Variants in NAALAD2 observed in about 807,000 individuals in gnomAD.
NAALAD2 encodes the protein N-acetylated alpha-linked acidic dipeptidase 2, also known as N-acetylated-alpha-linked acidic dipeptidase 2.
In NAALAD2, 89 loss-of-function variants were observed where a neutral mutation model predicts 95.6. The observed-to-expected ratio is 0.93, with a 90% CI of 0.78 to 1.11. The LOEUF (loss-of-function observed/expected upper bound fraction) is 1.11. Ranked by LOEUF, NAALAD2 falls within the 50% of genes least tolerant of loss-of-function variation. NAALAD2 has a pLI of 0.00. For synonymous variants in NAALAD2, 264 were observed against 294.4 expected, an observed-to-expected ratio of 0.90 and a Z score of 1.06; for missense variants, 894 against 872.4, an observed-to-expected ratio of 1.02 and a Z score of -0.31.
chr11:90,144,283 T>C (rs1291449791), intron 2 of NAALAD2, among the ~76,000 whole-genome samples: 1 of 152,142 alleles, frequency 6.6e-6, no homozygotes, highest in Non-Finnish European at 1.5e-5. Flanking sequence ...TGTTGTAAGC[T>C]TCAAAAAAGC....
At chr11:90,141,025 G>A (rs1951598450) in intron 2 of NAALAD2, among the ~76,000 whole-genome samples, 1 of 152,044 alleles carries the variant, frequency 6.6e-6, no homozygotes, top group African/African-American at 2.4e-5. Flanking sequence ...GCGTATTTGT[G>A]TGAGTCTATT....
chr11:90,158,247 T>C lies in NAALAD2; in HGVS notation c.890+9T>C. ...GCAGAAATATTATTACGGTATAGTT[T>C]TCTTGTTGGATATGAGATTAAGATA... On this transcript the variant is annotated intron_variant, in intron 7 of 18. Coordinates refer to ENST00000534061, the MANE Select transcript of NAALAD2 (RefSeq NM_005467.4). 1.3e-6 allele frequency: 2 copies of C among 1,585,102 alleles called. No individual in the cohort carries two copies. Among genetic ancestry groups the C allele is most frequent in the Non-Finnish European group, 1.7e-6 (2 of 1,155,094 alleles).
intron 2 of NAALAD2, among the ~76,000 whole-genome samples, chr11:90,146,277 T>G (rs1590963895): frequency 1.3e-5 from 2 of 149,046 alleles, no homozygotes; most frequent in South Asian, 4.2e-4. Flanking sequence ...TGTCATCCGG[T>G]TAACTAAAAA....
intron 18 of NAALAD2, among the ~76,000 whole-genome samples, chr11:90,189,550 C>T (rs1301165951): frequency 6.6e-6 from 1 of 152,060 alleles, no homozygotes; most frequent in African/African-American, 2.4e-5. Context: ...GGGTGGATTA[C>T]CTGAGGTCAG....
intron 18 of NAALAD2, among the ~76,000 whole-genome samples, chr11:90,186,426 C>A (rs935506010): frequency 6.6e-6 from 1 of 152,058 alleles, no homozygotes; most frequent in Non-Finnish European, 1.5e-5. Flanking sequence ...TCCAGTCTAT[C>A]ATTGTTGGAC....
At chr11:90,153,167 G>A (rs1401886551) in intron 6 of NAALAD2, among the ~76,000 whole-genome samples, 2 of 152,082 alleles carry the variant, frequency 1.3e-5, no homozygotes, top group Admixed American at 6.6e-5. Flanking sequence ...AATGGCTATA[G>A]CACAGTTTAT....
intron 16 of NAALAD2, among the ~76,000 whole-genome samples, chr11:90,178,487 T>G (rs534797692): frequency 2.6e-5 from 4 of 152,052 alleles, no homozygotes; most frequent in Admixed American, 2.6e-4. Context: ...CTGGCTATTA[T>G]GGTGAAACCG....
chr11:90,155,740 T>C (rs866244385), intron 6 of NAALAD2, among the ~76,000 whole-genome samples: 10 of 123,802 alleles, frequency 8.1e-5, no homozygotes, highest in Admixed American at 1.8e-4. Flanking sequence ...CATACATATG[T>C]ATGTATTATT....
intron 18 of NAALAD2, among the ~76,000 whole-genome samples, chr11:90,187,458 G>A (rs1402860343): frequency 3.3e-5 from 5 of 152,104 alleles, no homozygotes; most frequent in Admixed American, 6.5e-5. Context: ...TACTGCAGTA[G>A]TATGGAAATA....
chr11:90,163,675 A>G lies in NAALAD2; in HGVS notation c.1278+58A>G, dbSNP rs947319924. On this transcript the variant is annotated intron_variant, in intron 11 of 18. Transcript: ENST00000534061. ...TTTGGTCAACAGGGAACAAATATGT[A>G]TGTGTCTCAGGATGATCAAAAATAT... 1.2e-5 allele frequency: 18 copies of G among 1,454,626 alleles called. No homozygotes were observed. In the African/African-American group the frequency reaches 2.0e-4, roughly 16 times the overall value. The allele number at this position is 1,454,626 out of a possible 1,614,324, so 90.1% of individuals were successfully genotyped here. A position where few individuals can be genotyped will look rare whatever the true frequency, so the allele number is the denominator to read the frequency against.
chr11:90,143,085 T>C (rs189397437), intron 2 of NAALAD2, among the ~76,000 whole-genome samples: 78 of 152,248 alleles, frequency 5.1e-4, no homozygotes, highest in African/African-American at 1.6e-3. Context: ...GTTATATTAA[T>C]GTTATATTTT....
chr11:90,185,478 C>G (rs1327495199), intron 18 of NAALAD2, among the ~76,000 whole-genome samples: 1 of 151,976 alleles, frequency 6.6e-6, no homozygotes, highest in East Asian at 1.9e-4. Context: ...CAAGACCAGC[C>G]TGGGTAACAC....
Position 90,158,558 on chromosome 11 carries a change from G to A in NAALAD2, c.890+320G>A, listed in dbSNP as rs16916600. 2,051 of 241,160 alleles carry A rather than the reference G, an allele frequency of 8.5e-3. 50 individuals carry two copies. Among genetic ancestry groups the A allele is most frequent in the African/African-American group, 0.045 (1,935 of 42,560 alleles). The allele number at this position is 241,160 out of a possible 1,614,324, so 14.9% of individuals were successfully genotyped here. ...TATTCATTAGATATTTATATTCAAC[G>A]TCTAGTATAAGAATATGACAATGCC... is the stretch of plus-strand genomic sequence containing the variant. On this transcript the variant is annotated intron_variant, in intron 7 of 18. Transcript: ENST00000534061.
At chr11:90,152,838 T>C (rs1052080047) in intron 6 of NAALAD2, among the ~76,000 whole-genome samples, 2 of 151,902 alleles carry the variant, frequency 1.3e-5, no homozygotes, top group East Asian at 1.9e-4. Flanking sequence ...AATAGATAGA[T>C]TGAATTATCG....
At chr11:90,144,343 A>T (rs942148875) in intron 2 of NAALAD2, among the ~76,000 whole-genome samples, 2 of 152,150 alleles carry the variant, frequency 1.3e-5, no homozygotes, top group Admixed American at 6.6e-5. Context: ...GAGCCAGTGG[A>T]GAGTAAGAAG....
chr11:90,141,228 T>C (rs543434575), intron 2 of NAALAD2, among the ~76,000 whole-genome samples: 61 of 152,324 alleles, frequency 4.0e-4, no homozygotes, highest in African/African-American at 1.4e-3. Context: ...TACCTTTTCA[T>C]TTAAAATATA....
intron 7 of NAALAD2, 95 bp from the exon 8 acceptor site, chr11:90,159,144 T>C (rs1429438869): frequency 2.1e-6 from 2 of 936,732 alleles, no homozygotes; most frequent in African/African-American, 1.7e-5. Flanking sequence ...CAAATATTTG[T>C]TATATATATG....
At position 90,158,127 on chromosome 11, in the gene NAALAD2, T is replaced by G; in HGVS notation, c.797-18T>G. On this transcript the variant is annotated intron_variant, in intron 6 of 18. Transcript: ENST00000534061. The stretch of plus-strand genomic sequence containing the variant: ...AGATTTTTAAATTGTTTTCATTTTA[T>G]GCATTTGATTTTTTTAGAATACACT... The G allele has an allele frequency of 6.5e-7, 1 of 1,534,374 alleles. No homozygotes were observed.
intron 5 of NAALAD2, among the ~76,000 whole-genome samples, chr11:90,151,020 A>G (rs1038578520): frequency 6.6e-6 from 1 of 151,970 alleles, no homozygotes; most frequent in African/African-American, 2.4e-5. Context: ...TACATTGTAT[A>G]TTATAAGACT....
Sources: allele counts gnomAD v4.1 joint callset (sites outside exome capture counted in the v4.1 genomes callset), GRCh38; gene constraint gnomAD v4.1.1; transcripts MANE v1.5; gene names NCBI Gene and HGNC (gene_info 2026-07-23, HGNC 2026-07-21).